The following SYN3 variants were observed in gnomAD, a reference collection of about 807,000 sequenced individuals.
SYN3 encodes synapsin-3.
SYN3 carries 35 observed loss-of-function variants against 65.8 expected under a neutral mutation model. The observed-to-expected ratio is 0.53, with a 90% CI of 0.41 to 0.70. The LOEUF (loss-of-function observed/expected upper bound fraction) is 0.70, where lower values mean the gene tolerates loss of function less well. Ranked by LOEUF, SYN3 falls within the 30% of genes least tolerant of loss-of-function variation. The pLI is 0.00. For missense variants in SYN3, 680 were observed against 749.0 expected (o/e 0.91, Z 1.08); for synonymous variants, 270 against 292.9 (o/e 0.92, Z 0.80).
intron 4 of SYN3, among the ~76,000 whole-genome samples, chr22:32,926,227 G>A (rs1240507478): frequency 6.6e-6 from 1 of 152,124 alleles, no homozygotes; most frequent in African/African-American, 2.4e-5. Context: ...AAGCAGACAC[G>A]AGTACAAAAA....
At chr22:32,563,463 G>C (rs912354874) in intron 7 of SYN3, among the ~76,000 whole-genome samples, 1 of 152,228 alleles carries the variant, frequency 6.6e-6, no homozygotes, top group African/African-American at 2.4e-5. Context: ...GTCTTGATGA[G>C]GCTGACACAG....
chr22:32,627,650 G>C (rs2059687288), intron 6 of SYN3, among the ~76,000 whole-genome samples: 1 of 151,976 alleles, frequency 6.6e-6, no homozygotes, highest in Non-Finnish European at 1.5e-5. Flanking sequence ...TTCATGCATA[G>C]ACATCCAGAC....
At chr22:32,551,435 G>C (rs1405459122) in intron 7 of SYN3, among the ~76,000 whole-genome samples, 1 of 151,848 alleles carries the variant, frequency 6.6e-6, no homozygotes, top group Non-Finnish European at 1.5e-5. Context: ...GCAGGTGATA[G>C]AGGAACAACA....
intron 2 of SYN3, among the ~76,000 whole-genome samples, chr22:32,984,161 C>CAAAA (rs35678412): frequency 3.2e-5 from 3 of 92,970 alleles, no homozygotes; most frequent in Admixed American, 1.2e-4. Flanking sequence ...AAACTCCATC[C>CAAAA]AAAAAAAAAA....
At chr22:33,025,063 G>C (rs994565962) in intron 1 of SYN3, among the ~76,000 whole-genome samples, 8 of 152,084 alleles carry the variant, frequency 5.3e-5, no homozygotes, top group Non-Finnish European at 8.8e-5. Flanking sequence ...TATTTTGGTG[G>C]GCACAGTGGC....
intron 6 of SYN3, among the ~76,000 whole-genome samples, chr22:32,600,691 T>A (rs1278810113): frequency 9.4e-6 from 1 of 106,130 alleles, no homozygotes; most frequent in Non-Finnish European, 1.6e-5. Flanking sequence ...CAACTTAATA[T>A]GATTTTTTTT....
intron 7 of SYN3, among the ~76,000 whole-genome samples, chr22:32,568,541 A>C (rs1023002174): frequency 6.6e-6 from 1 of 152,202 alleles, no homozygotes; most frequent in Non-Finnish European, 1.5e-5. Flanking sequence ...GGGAAGTCCA[A>C]GGTCAAGGTG....
At position 32,521,488 on chromosome 22, in the gene SYN3, G is replaced by A. The variant is rs930087725; in HGVS notation, c.1319-3154C>T. On this transcript the variant is annotated intron_variant, in intron 12 of 13. Coordinates refer to ENST00000358763, the MANE Select transcript of SYN3 (RefSeq NM_003490.4). ...GAGACGGAGTCTTGCACTATTATCC[G>A]GGCTAGAGTGCAGTGGCGCGATCTC... Among the ~76,000 whole-genome samples the A allele has an allele frequency of 6.3e-5, 8 of 127,890 alleles. No homozygotes were observed. In the Admixed American group the frequency reaches 7.9e-4, roughly 13 times the overall value. 83.9% of individuals were successfully genotyped at this position (127,890 alleles called of 152,430 possible).
chr22:33,025,409 G>A (rs2053624871), intron 1 of SYN3, among the ~76,000 whole-genome samples: 1 of 140,320 alleles, frequency 7.1e-6, no homozygotes, highest in Non-Finnish European at 1.5e-5. Context: ...CTGCACTCCA[G>A]GGTGACAGTG....
At chr22:32,518,661 T>C (rs998565777) in intron 12 of SYN3, among the ~76,000 whole-genome samples, 3 of 152,170 alleles carry the variant, frequency 2.0e-5, no homozygotes, top group African/African-American at 7.2e-5. Context: ...TTGGCACATA[T>C]GTAAAAACAT....
At chr22:32,650,504 G>A (rs185831496) in intron 6 of SYN3, among the ~76,000 whole-genome samples, 8 of 152,088 alleles carry the variant, frequency 5.3e-5, no homozygotes, top group African/African-American at 1.2e-4. Flanking sequence ...GGGCTCAAGC[G>A]ATCCCCTCAT....
intron 12 of SYN3, among the ~76,000 whole-genome samples, chr22:32,527,338 G>T: frequency 6.6e-6 from 1 of 152,290 alleles, no homozygotes; most frequent in South Asian, 2.1e-4. Flanking sequence ...AAAGGCTCAC[G>T]CCTGTAATCC....
intron 4 of SYN3, among the ~76,000 whole-genome samples, chr22:32,911,406 G>T (rs1006770011): frequency 6.6e-6 from 1 of 152,168 alleles, no homozygotes; most frequent in Non-Finnish European, 1.5e-5. Context: ...TTTGCGTGGT[G>T]CACAAGCTGT....
chr22:32,925,883 G>C (rs79420850), intron 4 of SYN3, among the ~76,000 whole-genome samples: 1 of 44,212 alleles, frequency 2.3e-5, no homozygotes, highest in Admixed American at 2.1e-4. Flanking sequence ...TTTTTTTTTT[G>C]TGGCAGGGTC....
chr22:32,988,999 T>TC (rs1556087529), intron 2 of SYN3, among the ~76,000 whole-genome samples: 1 of 151,892 alleles, frequency 6.6e-6, no homozygotes, highest in Non-Finnish European at 1.5e-5. Context: ...TCTACTCACA[T>TC]GTTGTCAACA....
intron 2 of SYN3, among the ~76,000 whole-genome samples, chr22:32,995,633 T>C (rs1300266612): frequency 2.0e-5 from 3 of 150,994 alleles, no homozygotes; most frequent in Non-Finnish European, 4.4e-5. Context: ...TGCCCTGCAG[T>C]CCTCATGCCT....
At chr22:33,037,199 G>A (rs2053878300) in intron 1 of SYN3, among the ~76,000 whole-genome samples, 1 of 152,144 alleles carries the variant, frequency 6.6e-6, no homozygotes, top group African/African-American at 2.4e-5. Flanking sequence ...TCCCATGTAT[G>A]GCAATCCTTT....
chr22:32,909,339 C>A lies in SYN3; in HGVS notation c.461+22051G>T, dbSNP rs1247854606. 3.3e-5 allele frequency among the ~76,000 whole-genome samples: 5 copies of A among 152,190 alleles called. No homozygotes were observed. In the East Asian group the frequency reaches 9.6e-4, roughly 29 times the overall value. ...CAACCATTAGCTGTGTGACCCTGAG[C>A]AAGTGACTTTGCCTCTCTGAACCTC... On this transcript the variant is annotated intron_variant, in intron 4 of 13. Coordinates refer to ENST00000358763, the MANE Select transcript of SYN3 (RefSeq NM_003490.4).
rs1209185864 is a variant in SYN3 at position 33,009,750 on chromosome 22, AAAC to A, written c.-162-2929_-162-2927del. ...CATATCCTTTCATATATACGTATCT[AAAC>A]ACACACACACACACACACACACACA... On this transcript the variant is annotated intron_variant, in intron 1 of 13. Coordinates refer to ENST00000358763, the MANE Select transcript of SYN3 (RefSeq NM_003490.4). Among the ~76,000 whole-genome samples the A allele has an allele frequency of 5.7e-5, 6 of 106,152 alleles. No individual in the cohort carries two copies. In the South Asian group the frequency reaches 1.3e-3, roughly 22 times the overall value. 69.6% of individuals were successfully genotyped at this position (106,152 alleles called of 152,430 possible).
Sources: gnomAD v4.1 joint callset for allele counts (sites outside exome capture counted in the v4.1 genomes callset) on GRCh38, gnomAD v4.1.1 for gene constraint, MANE v1.5 for transcripts, NCBI Gene and HGNC (gene_info 2026-07-23, HGNC 2026-07-21) for gene names.